IQSEC3: variants seen among roughly 807,000 people sequenced by gnomAD.
IQSEC3 encodes IQ motif and Sec7 domain ArfGEF 3, also known as IQ motif and SEC7 domain-containing protein 3.
IQSEC3 carries 50 observed loss-of-function variants against 105.4 expected under a neutral mutation model. The ratio of observed to expected loss-of-function variants is 0.47; its 90% CI spans 0.38 to 0.60. The LOEUF is 0.60. Ranked by LOEUF, IQSEC3 falls within the 20% of genes least tolerant of loss-of-function variation. IQSEC3 has a pLI of 0.00. For missense variants in IQSEC3, 1,415 were observed against 1,630.0 expected (o/e 0.87, Z 2.27); for synonymous variants, 708 against 746.0 (o/e 0.95, Z 0.83).
intron 4 of IQSEC3, chr12:140,822 A>G (rs1419858351): frequency 2.9e-6 from 1 of 344,076 alleles, no homozygotes; most frequent in Non-Finnish European, 5.3e-6. Context: ...TGACAACAGG[A>G]TATGGGTAGG....
intron 2 of IQSEC3, among the ~76,000 whole-genome samples, chr12:122,246 C>T (rs948135261): frequency 9.2e-5 from 14 of 152,170 alleles, no homozygotes; most frequent in African/African-American, 3.4e-4. Flanking sequence ...GATAGGCCGG[C>T]CTCTGCCCTG....
intron 5 of IQSEC3, among the ~76,000 whole-genome samples, chr12:150,686 A>G (rs1195097240): frequency 1.3e-5 from 2 of 152,230 alleles, no homozygotes; most frequent in Non-Finnish European, 2.9e-5. Context: ...AATGGCCGTG[A>G]CAAGAGAAGT....
Position 138,796 on chromosome 12 carries a change from G to T in IQSEC3, c.1433G>T (p.Ser478Ile). The T allele has an allele frequency of 6.2e-7, 1 of 1,606,832 alleles. No individual in the cohort carries two copies. Among genetic ancestry groups the T allele is most frequent in the Non-Finnish European group, 8.5e-7 (1 of 1,178,484 alleles). Residue 478 changes from serine (S) to isoleucine (I), a missense_variant, in exon 4 of 14, where the codon AGC (serine) becomes ATC (isoleucine). Physicochemically the swap from Ser to Ile is moderately radical, Grantham distance 142. Around this residue, in one of 6 missense-constraint regions of IQSEC3, gnomAD observed 720 missense variants for 633.0 expected, o/e 1.14. Coordinates refer to ENST00000538872, the MANE Select transcript of IQSEC3 (RefSeq NM_001170738.2). The surrounding 1 kb of genome is among the most constrained non-coding windows in gnomAD (Gnocchi z 7.1). ...AETPGLPPAH[S>I]GTLMMAFRDV... ...ACCCCCGGCCTGCCCCCGGCCCACA[G>T]CGGGACCCTCATGATGGCTTTCCGG...
At chr12:156,377 C>T (rs538035711) in intron 5 of IQSEC3, among the ~76,000 whole-genome samples, 7 of 152,256 alleles carry the variant, frequency 4.6e-5, no homozygotes, top group African/African-American at 1.7e-4. Context: ...CTGCGTGTCA[C>T]GCTGTCCCCT....
intron 8 of IQSEC3, among the ~76,000 whole-genome samples, chr12:163,138 G>A (rs992828918): frequency 3.6e-5 from 5 of 139,142 alleles, no homozygotes; most frequent in African/African-American, 1.3e-4. Context: ...CAGAACCGGA[G>A]CCCCTCCCCT....
chr12:124,250 G>A (rs11503141), intron 2 of IQSEC3, among the ~76,000 whole-genome samples: 58,582 of 151,514 alleles, frequency 0.39, 11,447 homozygotes, highest in South Asian at 0.44. Context: ...TTAGCTGGGC[G>A]TGGTGGTGCA....
At chr12:111,672 T>C (rs1864891010) in intron 2 of IQSEC3, 1 of 152,254 alleles carries the variant, frequency 6.6e-6, no homozygotes, top group East Asian at 1.9e-4. Flanking sequence ...TGTGTCACTT[T>C]AGTTGTCTCC....
At chr12:146,176 G>A (rs1391391274) in intron 5 of IQSEC3, among the ~76,000 whole-genome samples, 1 of 152,240 alleles carries the variant, frequency 6.6e-6, no homozygotes, top group East Asian at 1.9e-4. Flanking sequence ...GAAGGCTCTG[G>A]CCTTTCATTG....
At chr12:130,709 AT>A (rs1555084724) in intron 3 of IQSEC3, among the ~76,000 whole-genome samples, 1 of 152,194 alleles carries the variant, frequency 6.6e-6, no homozygotes, top group African/African-American at 2.4e-5. Flanking sequence ...CACTTGCTGT[AT>A]TCCAGACAGC....
intron 8 of IQSEC3, among the ~76,000 whole-genome samples, chr12:162,435 T>C (rs1379412308): frequency 6.6e-6 from 1 of 152,106 alleles, no homozygotes; most frequent in African/African-American, 2.4e-5. Flanking sequence ...ATGGGCTCAA[T>C]AGGCTCCAGG....
chr12:157,801 C>T, intron 7 of IQSEC3, 107 bp downstream of exon 7: 1 of 1,253,984 alleles, frequency 8.0e-7, no homozygotes, highest in Non-Finnish European at 1.1e-6. Flanking sequence ...TGGTCACCTG[C>T]TGTCTGGGCC....
intron 9 of IQSEC3, among the ~76,000 whole-genome samples, chr12:164,456 C>T (rs1867075509): frequency 6.6e-6 from 1 of 152,184 alleles, no homozygotes; most frequent in African/African-American, 2.4e-5. Context: ...GAGGCGCCTC[C>T]CTCCTGTGGG....
At chr12:172,068 G>A (rs1045100811) in intron 13 of IQSEC3, among the ~76,000 whole-genome samples, 24 of 152,108 alleles carry the variant, frequency 1.6e-4, no homozygotes, top group Admixed American at 3.9e-4. Context: ...GGGGCCACCG[G>A]CTGCTCATAC....
chr12:71,932 T>C (rs1863336314), intron 1 of IQSEC3, among the ~76,000 whole-genome samples: 1 of 152,292 alleles, frequency 6.6e-6, no homozygotes, highest in Admixed American at 6.5e-5. Context: ...AGCTAGAAGC[T>C]GGCATAGTGT....
rs138206814 is a variant in IQSEC3 at position 138,908 on chromosome 12, G to A, written c.1545G>A (p.Thr515=). ...TGGCCAACTGCCTGGGCGCTCAGACGGTCCAGGCCCCCGCAGAGCCCGCGG... is the reference window on the plus strand; with the variant it reads ...TGGCCAACTGCCTGGGCGCTCAGACAGTCCAGGCCCCCGCAGAGCCCGCGG... The part of the protein sequence containing the change: ...LSVANCLGAQ[T]VQAPAEPAAG... Residue 515 remains threonine (T), a synonymous_variant, in exon 4 of 14, where the codon ACG becomes ACA. Coordinates refer to ENST00000538872, the MANE Select transcript of IQSEC3 (RefSeq NM_001170738.2). The surrounding 1 kb of genome is among the most constrained non-coding windows in gnomAD (Gnocchi z 7.1). 6.2e-7 allele frequency: 1 copy of A among 1,606,464 alleles called. No individual in the cohort carries two copies. Among genetic ancestry groups the A allele is most frequent in the Admixed American group, 1.7e-5 (1 of 59,416 alleles).
Position 174,811 on chromosome 12 carries a change from C to T in IQSEC3, c.3327C>T (p.Arg1109=), listed in dbSNP as rs1386300725. ...VIVLDKPCLA[R]MEPLLSQALS... Reference sequence around the variant, plus strand: ...TCCTGGACAAGCCCTGCCTGGCCCGCATGGAGCCCCTGCTGAGCCAGGCTC... The same window carrying T: ...TCCTGGACAAGCCCTGCCTGGCCCGTATGGAGCCCCTGCTGAGCCAGGCTC... The change falls in exon 14 of 14, where the codon CGC becomes CGT. Residue 1109 remains arginine, a synonymous_variant. Coordinates refer to ENST00000538872, the MANE Select transcript of IQSEC3 (RefSeq NM_001170738.2). The T allele has an allele frequency of 1.3e-6, 2 of 1,583,924 alleles. No homozygotes were observed. Among genetic ancestry groups the T allele is most frequent in the Non-Finnish European group, 1.7e-6 (2 of 1,173,574 alleles).
intron 1 of IQSEC3, among the ~76,000 whole-genome samples, chr12:73,764 G>A (rs1419229077): frequency 2.6e-5 from 4 of 152,258 alleles, no homozygotes; most frequent in African/African-American, 9.6e-5. Context: ...AGACTAGAAT[G>A]CAGGCTCAGG....
rs1809893 is a variant in IQSEC3, at chr12:71,185, G to A, written c.554+3749G>A. 6.6e-3 allele frequency among the ~76,000 whole-genome samples: 1,000 copies of A among 152,352 alleles called. 9 individuals carry two copies. Among genetic ancestry groups the A allele is most frequent in the African/African-American group, 0.023 (973 of 41,544 alleles). ...CTTTTTATCCTGATTTGTCTAAGATGCTGATGGGAACTGGGATCTCTGCTC... is the reference window on the plus strand; with the variant it reads ...CTTTTTATCCTGATTTGTCTAAGATACTGATGGGAACTGGGATCTCTGCTC... On this transcript the variant is annotated intron_variant, in intron 1 of 13. Transcript: ENST00000538872.
chr12:162,082 T>C lies in IQSEC3; in HGVS notation c.2583+17T>C, dbSNP rs200750290. ...ATGAAGACAGTGAGTGTCCACAAGC[T>C]ACCTATCTCCCGTCTCCTTTCCTTT... is the stretch of plus-strand genomic sequence containing the variant. On this transcript the variant is annotated intron_variant, in intron 8 of 13. Transcript: ENST00000538872. The C allele has an allele frequency of 3.6e-5, 58 of 1,612,904 alleles. 1 individual carries two copies. In the East Asian group the frequency reaches 7.6e-4, roughly 21 times the overall value.
Sources: allele counts gnomAD v4.1 joint callset (sites outside exome capture counted in the v4.1 genomes callset), GRCh38; gene constraint gnomAD v4.1.1; regional missense constraint gnomAD v4.1.1; non-coding constraint Gnocchi (gnomAD v3.1); transcripts MANE v1.5; gene names NCBI Gene and HGNC (gene_info 2026-07-23, HGNC 2026-07-21).